Variants in NUDT5 observed in about 807,000 individuals in gnomAD.
NUDT5 encodes nudix hydrolase 5, also known as ADP-sugar pyrophosphatase.
NUDT5 carries 21 observed loss-of-function variants against 34.1 expected under a neutral mutation model. That is an observed-to-expected ratio of 0.62 (90% CI 0.44 to 0.89). The LOEUF (loss-of-function observed/expected upper bound fraction) is 0.89. Ranked by LOEUF, NUDT5 falls within the 40% of genes least tolerant of loss-of-function variation. The pLI is 0.00. For synonymous variants in NUDT5, 85 were observed against 97.6 expected (o/e 0.87, Z 0.76); for missense variants, 249 against 274.8 (o/e 0.91, Z 0.66).
chr10:12,185,815 T>C (rs144598955), intron 2 of NUDT5, among the ~76,000 whole-genome samples: 2 of 152,210 alleles, frequency 1.3e-5, no homozygotes, highest in South Asian at 2.1e-4. Flanking sequence ...GAGACATACA[T>C]TGGTTCTAGA....
At chr10:12,177,321 C>T (rs1486606998) in intron 5 of NUDT5, among the ~76,000 whole-genome samples, 2 of 152,058 alleles carry the variant, frequency 1.3e-5, no homozygotes, top group Non-Finnish European at 2.9e-5. Context: ...AGATCGAGAC[C>T]ATCCTGGCCA....
chr10:12,184,971 G>A lies in NUDT5; in HGVS notation c.64-15C>T, dbSNP rs1416404773. 3 of 1,410,454 alleles carry A rather than the reference G, an allele frequency of 2.1e-6. No homozygotes were observed. Among genetic ancestry groups the A allele is most frequent in the Non-Finnish European group, 3.0e-6 (3 of 1,005,234 alleles). The allele number at this position is 1,410,454 out of a possible 1,614,324, so 87.4% of individuals were successfully genotyped here. On this transcript the variant is annotated splice_polypyrimidine_tract_variant and intron_variant, in intron 2 of 9. Transcript: ENST00000491614. ...TCTGAAATTAACTAAAAGGATATCA[G>A]ATAATAAGTTGGGAAACTTTCAAAC...
chr10:12,179,059 G>C (rs1178797859), intron 4 of NUDT5, 24 bp downstream of exon 4: 1 of 1,604,154 alleles, frequency 6.2e-7, no homozygotes, highest in African/African-American at 1.3e-5. Context: ...TTTCTAAAGG[G>C]TTGGAATAGG....
At position 12,187,158 on chromosome 10, in the gene NUDT5, G is replaced by A. The variant is rs962940696; in HGVS notation, c.-41-826C>T. Among the ~76,000 whole-genome samples, 4 of 152,128 alleles carry A rather than the reference G, an allele frequency of 2.6e-5. No individual in the cohort carries two copies. Among genetic ancestry groups the A allele is most frequent in the African/African-American group, 9.7e-5 (4 of 41,424 alleles). On this transcript the variant is annotated intron_variant, in intron 1 of 9. Coordinates refer to ENST00000491614, the MANE Select transcript of NUDT5 (RefSeq NM_014142.4). This position sits in a 1 kb window ranked among gnomAD's most constrained non-coding sequence, Gnocchi z 5.4. ...CGTGCTCCTCGCATCTCAGCCTCCTGAGTAGCTGGGATTACAGGTGCATGC... is the reference window on the plus strand; with the variant it reads ...CGTGCTCCTCGCATCTCAGCCTCCTAAGTAGCTGGGATTACAGGTGCATGC...
intron 5 of NUDT5, among the ~76,000 whole-genome samples, chr10:12,174,754 T>C (rs1237499805): frequency 2.0e-5 from 3 of 152,234 alleles, no homozygotes; most frequent in African/African-American, 7.2e-5. Context: ...GACTTGGTGG[T>C]GACCAACTGG....
chr10:12,184,743 A>T lies in NUDT5; in HGVS notation c.131+146T>A. ...TATTCAGCAACTATAAATGATGCAA[A>T]CATCCTAACACTGGAAAAACAGCTA... On this transcript the variant is annotated intron_variant, in intron 3 of 9. Coordinates refer to ENST00000491614, the MANE Select transcript of NUDT5 (RefSeq NM_014142.4). The T allele has an allele frequency of 4.6e-6, 3 of 650,084 alleles. No individual in the cohort carries two copies. The South Asian group carries it at 6.4e-5, about 14-fold the overall frequency. 40.3% of individuals were successfully genotyped at this position (650,084 alleles called of 1,614,324 possible). A position where few individuals can be genotyped will look rare whatever the true frequency, so the allele number is the denominator to read the frequency against.
chr10:12,189,956 C>T (rs184906920), intron 1 of NUDT5, among the ~76,000 whole-genome samples: 4 of 149,984 alleles, frequency 2.7e-5, no homozygotes, highest in African/African-American at 7.4e-5. Context: ...TGCAGTGGCG[C>T]GATCTCCGCT....
At chr10:12,188,533 C>A (rs1479745008) in intron 1 of NUDT5, among the ~76,000 whole-genome samples, 1 of 151,966 alleles carries the variant, frequency 6.6e-6, no homozygotes, top group African/African-American at 2.4e-5. Flanking sequence ...GAGATGGAGA[C>A]CATCCTGGCC....
At chr10:12,191,153 G>A (rs1419644325) in intron 1 of NUDT5, among the ~76,000 whole-genome samples, 1 of 152,068 alleles carries the variant, frequency 6.6e-6, no homozygotes, top group Non-Finnish European at 1.5e-5. Flanking sequence ...GGAGGCCGAG[G>A]CGGGTGGATC....
chr10:12,167,861 A>G (rs2131693557), intron 9 of NUDT5, 50 bp from the exon 10 acceptor site: 2 of 1,608,100 alleles, frequency 1.2e-6, no homozygotes, highest in South Asian at 2.2e-5. Flanking sequence ...AGGAAGGACA[A>G]AACATCTTAT....
chr10:12,178,910 C>T (rs1834999510), intron 4 of NUDT5, 173 bp downstream of exon 4: 1 of 623,054 alleles, frequency 1.6e-6, no homozygotes. Flanking sequence ...TAACAGAAGC[C>T]AGAAGTTACT....
In NUDT5 at chr10:12,182,316, A is replaced by G. The variant is rs1835055862; in HGVS notation, c.131+2573T>C. ...ATGAAAAGGTTTTGGATTTTGCAGC[A>G]TTTTGAATTTCAGATTTTCAGATTA... is the stretch of plus-strand genomic sequence containing the variant. On this transcript the variant is annotated intron_variant, in intron 3 of 9. Coordinates refer to ENST00000491614, the MANE Select transcript of NUDT5 (RefSeq NM_014142.4). This position sits in a 1 kb window ranked among gnomAD's most constrained non-coding sequence, Gnocchi z 4.3. 6.6e-6 allele frequency among the ~76,000 whole-genome samples: 1 copy of G among 152,176 alleles called. No homozygotes were observed. The highest frequency in any genetic ancestry group is 1.5e-5 in the Non-Finnish European group (1 of 68,028).
intron 3 of NUDT5, among the ~76,000 whole-genome samples, chr10:12,183,165 T>C (rs551674551): frequency 2.0e-5 from 3 of 152,402 alleles, no homozygotes; most frequent in Admixed American, 1.3e-4. Flanking sequence ...GTTTCACAAA[T>C]ATAAATACAT....
In NUDT5 at chr10:12,184,883, G is replaced by T; in HGVS notation, c.131+6C>A. 6.7e-7 allele frequency: 1 copy of T among 1,488,442 alleles called. No individual in the cohort carries two copies. Among genetic ancestry groups the T allele is most frequent in the Non-Finnish European group, 9.2e-7 (1 of 1,090,626 alleles). 92.2% of individuals were successfully genotyped at this position (1,488,442 alleles called of 1,614,324 possible). On this transcript the variant is annotated splice_donor_region_variant and intron_variant, in intron 3 of 9. Coordinates refer to ENST00000491614, the MANE Select transcript of NUDT5 (RefSeq NM_014142.4). ...GAACATTTTGTAAGAAAAAAAAAAA[G>T]TTTACCTAGTTTTACCAGTAGGATC...
chr10:12,184,744 C>T, intron 3 of NUDT5, 145 bp downstream of exon 3: 1 of 655,120 alleles, frequency 1.5e-6, no homozygotes. Flanking sequence ...ATGATGCAAA[C>T]ATCCTAACAC....
chr10:12,187,401 A>G lies in NUDT5; in HGVS notation c.-41-1069T>C, dbSNP rs557642454. 4.6e-5 allele frequency among the ~76,000 whole-genome samples: 7 copies of G among 152,348 alleles called. No individual in the cohort carries two copies. The highest frequency in any genetic ancestry group is 1.7e-4 in the African/African-American group (7 of 41,588). ...AGTTGCAGAGAAAGGATCGAGTAGT[A>G]CTACAAGTTCTGTTATGAAAAGAGC... On this transcript the variant is annotated intron_variant, in intron 1 of 9. Coordinates refer to ENST00000491614, the MANE Select transcript of NUDT5 (RefSeq NM_014142.4). The surrounding 1 kb of genome is among the most constrained non-coding windows in gnomAD (Gnocchi z 5.4).
rs1220239904 is a variant in NUDT5, at chr10:12,185,303, T to C, written c.64-347A>G. ...GTGTCCTGGGACGCTCCTGATGGTC[T>C]GTCCCCTGACCTGGGTGCATACAAC... is the stretch of plus-strand genomic sequence containing the variant. On this transcript the variant is annotated intron_variant, in intron 2 of 9. Coordinates refer to ENST00000491614, the MANE Select transcript of NUDT5 (RefSeq NM_014142.4). Among the ~76,000 whole-genome samples, 4 of 152,360 alleles carry C rather than the reference T, an allele frequency of 2.6e-5. No individual in the cohort carries two copies. The East Asian group carries it at 7.7e-4, about 29-fold the overall frequency.
At position 12,170,107 on chromosome 10, in the gene NUDT5, G is replaced by T; in HGVS notation, c.550+610C>A. 4 of 1,611,654 alleles carry T rather than the reference G, an allele frequency of 2.5e-6. No individual in the cohort carries two copies. Among genetic ancestry groups the T allele is most frequent in the Non-Finnish European group, 3.4e-6 (4 of 1,178,958 alleles). On this transcript the variant is annotated intron_variant, in intron 9 of 9. Coordinates refer to ENST00000491614, the MANE Select transcript of NUDT5 (RefSeq NM_014142.4). The surrounding 1 kb of genome is among the most constrained non-coding windows in gnomAD (Gnocchi z 4.9). ...GTCTCCATACAGTATCTCCTCTCGT[G>T]GTTTTATCAAAGGACTTTTCTCCCC...
rs1320146673 is a variant in NUDT5 at position 12,168,938 on chromosome 10, T to C, written c.551-1127A>G. On this transcript the variant is annotated intron_variant, in intron 9 of 9. Coordinates refer to ENST00000491614, the MANE Select transcript of NUDT5 (RefSeq NM_014142.4). This position sits in a 1 kb window ranked among gnomAD's most constrained non-coding sequence, Gnocchi z 4.8. ...CCACCATGCCTGGCTAATTTTTGTA[T>C]TTTTAGTAGAGATGGGGTTTTACTA... Among the ~76,000 whole-genome samples the C allele has an allele frequency of 1.3e-5, 2 of 152,032 alleles. No homozygotes were observed. The highest frequency in any genetic ancestry group is 4.8e-5 in the African/African-American group (2 of 41,400).
Sources: gnomAD v4.1 joint callset for allele counts (sites outside exome capture counted in the v4.1 genomes callset) on GRCh38, gnomAD v4.1.1 for gene constraint, Gnocchi (gnomAD v3.1) non-coding constraint, MANE v1.5 for transcripts, NCBI Gene and HGNC (gene_info 2026-07-23, HGNC 2026-07-21) for gene names.